MZT1: variants seen among roughly 807,000 people sequenced by gnomAD.
MZT1 encodes the protein mitotic spindle organizing protein 1.
A neutral mutation model predicts 8.5 loss-of-function variants in MZT1; 8 were observed. That is an observed-to-expected ratio of 0.94 (90% confidence interval 0.55 to 1.70). The LOEUF (loss-of-function observed/expected upper bound fraction) is 1.70, where lower values mean the gene tolerates loss of function less well. Among genes scored for constraint, MZT1 ranks in the 40% most tolerant of loss-of-function variants. The pLI is 0.00. For missense variants in MZT1, 93 were observed against 108.6 expected (o/e 0.86, Z 0.64); for synonymous variants, 38 against 42.0 (o/e 0.90, Z 0.37).
chr13:72,715,593 T>C (rs192013193), intron 2 of MZT1, among the ~76,000 whole-genome samples: 146 of 152,300 alleles, frequency 9.6e-4, no homozygotes, highest in African/African-American at 3.3e-3. Context: ...CATTGTAATC[T>C]CCAATGTTGG....
At chr13:72,724,731 T>G in intron 1 of MZT1, among the ~76,000 whole-genome samples, 1 of 36,170 alleles carries the variant, frequency 2.8e-5, no homozygotes, top group African/African-American at 4.7e-5. Context: ...TATATATATA[T>G]ATATATATAC....
rs1394545510 is a variant in MZT1 at position 72,724,717 on chromosome 13, T to C, written c.79+2807A>G. On this transcript the variant is annotated intron_variant, in intron 1 of 2. Coordinates refer to ENST00000377818, the MANE Select transcript of MZT1 (RefSeq NM_001071775.3). ...TTACTACTAAATATATATATATATATACATATATATATATATATATATACA... is the reference window on the plus strand; with the variant it reads ...TTACTACTAAATATATATATATATACACATATATATATATATATATATACA... Among the ~76,000 whole-genome samples the C allele has an allele frequency of 1.4e-3, 65 of 46,406 alleles. 8 individuals are homozygous for C. Among genetic ancestry groups the C allele is most frequent in the East Asian group, 6.1e-3 (6 of 982 alleles). 30.4% of individuals were successfully genotyped at this position (46,406 alleles called of 152,430 possible).
At chr13:72,714,869 G>A (rs2032519451) in intron 2 of MZT1, among the ~76,000 whole-genome samples, 2 of 152,232 alleles carry the variant, frequency 1.3e-5, no homozygotes. Flanking sequence ...TGCTTCAGGG[G>A]TGGAGCCCTC....
At position 72,710,316 on chromosome 13, in the gene MZT1, A is replaced by C. The variant is rs765560555; in HGVS notation, c.*6T>G. The C allele has an allele frequency of 9.3e-6, 15 of 1,613,120 alleles. No individual in the cohort carries two copies. The African/African-American group carries it at 1.9e-4, about 20-fold the overall frequency. ...TGACATATCTCATCAGAATTTCTCC[A>C]GAAAGTCAGCTTGTCATATTTTCAG... is the stretch of plus-strand genomic sequence containing the variant. On this transcript the variant is annotated 3_prime_UTR_variant, in exon 3 of 3. Coordinates refer to ENST00000377818, the MANE Select transcript of MZT1 (RefSeq NM_001071775.3).
In MZT1 at chr13:72,709,611, C is replaced by G. The variant is rs2032467221; in HGVS notation, c.*711G>C. 1 of 151,958 alleles carries G rather than the reference C, an allele frequency of 6.6e-6. No individual in the cohort carries two copies. The highest frequency in any genetic ancestry group is 2.4e-5 in the African/African-American group (1 of 41,402). The allele number at this position is 151,958 out of a possible 1,614,324, so 9.4% of individuals were successfully genotyped here. A position where few individuals can be genotyped will look rare whatever the true frequency, so the allele number is the denominator to read the frequency against. On this transcript the variant is annotated 3_prime_UTR_variant, in exon 3 of 3. Transcript: ENST00000377818. ...TAAATGATTCAAATTACAAATAATACTAACCTAAGCATTGTCATTACTTTT... is the reference window on the plus strand; with the variant it reads ...TAAATGATTCAAATTACAAATAATAGTAACCTAAGCATTGTCATTACTTTT...
At chr13:72,722,709 G>T (rs2032602846) in intron 1 of MZT1, among the ~76,000 whole-genome samples, 1 of 152,176 alleles carries the variant, frequency 6.6e-6, no homozygotes, top group Admixed American at 6.5e-5. Flanking sequence ...GTGAGGCAGG[G>T]TAGCATGCTT....
At chr13:72,711,211 A>G (rs2032486169) in intron 2 of MZT1, among the ~76,000 whole-genome samples, 1 of 152,212 alleles carries the variant, frequency 6.6e-6, no homozygotes, top group Non-Finnish European at 1.5e-5. Flanking sequence ...TACAATATGT[A>G]GATGACTGCT....
At chr13:72,725,587 C>T (rs1379033599) in intron 1 of MZT1, among the ~76,000 whole-genome samples, 1 of 152,056 alleles carries the variant, frequency 6.6e-6, no homozygotes, top group Non-Finnish European at 1.5e-5. Context: ...TACTGTGTAA[C>T]ACCACATCCC....
intron 2 of MZT1, 68 bp downstream of exon 2, chr13:72,718,884 C>A: frequency 7.0e-7 from 1 of 1,427,232 alleles, no homozygotes; most frequent in Admixed American, 2.6e-5. Flanking sequence ...TTTCCCATAA[C>A]TTCATCATTA....
chr13:72,724,243 G>C (rs543481047), intron 1 of MZT1, among the ~76,000 whole-genome samples: 2 of 152,266 alleles, frequency 1.3e-5, no homozygotes, highest in African/African-American at 4.8e-5. Flanking sequence ...CTTTTTGGCT[G>C]AGTATCAAAT....
intron 1 of MZT1, among the ~76,000 whole-genome samples, chr13:72,724,997 C>T (rs1321024581): frequency 5.5e-5 from 8 of 146,340 alleles, no homozygotes; most frequent in Non-Finnish European, 1.2e-4. Context: ...ACCTGGGAGG[C>T]GGAGGTTGCA....
intron 1 of MZT1, among the ~76,000 whole-genome samples, chr13:72,723,578 C>T (rs531633362): frequency 1.3e-5 from 2 of 152,070 alleles, no homozygotes; most frequent in East Asian, 3.9e-4. Flanking sequence ...ATAAAACATA[C>T]AAGAATTCTG....
chr13:72,720,896 A>T (rs953477171), intron 1 of MZT1, among the ~76,000 whole-genome samples: 4 of 150,602 alleles, frequency 2.7e-5, no homozygotes, highest in African/African-American at 9.7e-5. Flanking sequence ...CTCAAAAGAA[A>T]AAACAAACAA....
intron 2 of MZT1, among the ~76,000 whole-genome samples, chr13:72,716,310 G>T (rs1019067316): frequency 1.3e-5 from 2 of 152,128 alleles, no homozygotes; most frequent in Non-Finnish European, 2.9e-5. Flanking sequence ...AGAGAGAGGG[G>T]TTAGTGACTG....
chr13:72,719,766 A>G (rs1215503133), intron 1 of MZT1, among the ~76,000 whole-genome samples: 3 of 152,178 alleles, frequency 2.0e-5, no homozygotes, highest in Non-Finnish European at 4.4e-5. Context: ...TTTAAACTTC[A>G]TTTGTATAGT....
chr13:72,708,550 T>C lies in MZT1; in HGVS notation c.*1772A>G, dbSNP rs187881709. The C allele has an allele frequency of 4.6e-4, 71 of 152,754 alleles. 2 individuals are homozygous for C. The highest frequency in any genetic ancestry group is 1.6e-3 in the African/African-American group (66 of 41,596). 9.5% of individuals were successfully genotyped at this position (152,754 alleles called of 1,614,324 possible). A position where few individuals can be genotyped will look rare whatever the true frequency, so the allele number is the denominator to read the frequency against. On this transcript the variant is annotated 3_prime_UTR_variant, in exon 3 of 3. Coordinates refer to ENST00000377818, the MANE Select transcript of MZT1 (RefSeq NM_001071775.3). Reference sequence around the variant, plus strand: ...ATCCCTTCTCAATATATTTTCCTGCTTTGTTTCATACATAAATAACTTAAT... The same window carrying C: ...ATCCCTTCTCAATATATTTTCCTGCCTTGTTTCATACATAAATAACTTAAT...
intron 2 of MZT1, among the ~76,000 whole-genome samples, chr13:72,717,330 T>C (rs951598685): frequency 1.4e-5 from 2 of 144,728 alleles, no homozygotes; most frequent in African/African-American, 5.1e-5. Context: ...CCACAATCTG[T>C]CACTTTCTTT....
At chr13:72,719,249 G>T in intron 1 of MZT1, 152 bp from the exon 2 acceptor site, 1 of 547,244 alleles carries the variant, frequency 1.8e-6, no homozygotes, top group South Asian at 5.3e-5. Context: ...ATACTTTCTT[G>T]CCTTTACTTA....
At chr13:72,724,212 A>T (rs950210806) in intron 1 of MZT1, among the ~76,000 whole-genome samples, 5 of 152,240 alleles carry the variant, frequency 3.3e-5, no homozygotes, top group Admixed American at 3.3e-4. Flanking sequence ...ACATAAAAAA[A>T]TCAAACTTGC....
Sources: allele counts gnomAD v4.1 joint callset (sites outside exome capture counted in the v4.1 genomes callset), GRCh38; gene constraint gnomAD v4.1.1; transcripts MANE v1.5; gene names NCBI Gene and HGNC (gene_info 2026-07-23, HGNC 2026-07-21).